NPAS2: variants seen among roughly 807,000 people sequenced by gnomAD.
NPAS2 encodes the protein neuronal PAS domain protein 2.
A neutral mutation model predicts 107.5 loss-of-function variants in NPAS2; 23 were observed. The observed-to-expected ratio is 0.21, with a 90% CI of 0.15 to 0.30. The LOEUF is 0.30. Ranked by LOEUF, NPAS2 falls within the 10% of genes least tolerant of loss-of-function variation. The pLI, the probability that NPAS2 is intolerant of heterozygous loss-of-function variation, is 1.00. For synonymous variants in NPAS2, 403 were observed against 417.5 expected, an observed-to-expected ratio of 0.97 and a Z score of 0.42; for missense variants, 756 against 1,043.3, an observed-to-expected ratio of 0.72 and a Z score of 3.79.
chr2:100,878,078 G>T, intron 1 of NPAS2: 1 of 985,372 alleles, frequency 1.0e-6, no homozygotes. Flanking sequence ...AAGTGGTGAC[G>T]AGTCAGCATT....
chr2:100,823,976 TGG>T (rs1284399155), intron 1 of NPAS2, among the ~76,000 whole-genome samples: 5 of 152,180 alleles, frequency 3.3e-5, no homozygotes, highest in Non-Finnish European at 7.3e-5. Context: ...AGCTCAGCTA[TGG>T]CAACTTTTAA....
intron 5 of NPAS2, among the ~76,000 whole-genome samples, chr2:100,945,388 C>T (rs957021669): frequency 5.3e-5 from 8 of 152,172 alleles, no homozygotes; most frequent in African/African-American, 1.9e-4. Context: ...GTTTGGACTA[C>T]GATATTGATG....
intron 1 of NPAS2, among the ~76,000 whole-genome samples, chr2:100,833,650 AAGTACCCTG>A (rs1320216016): frequency 7.9e-5 from 12 of 152,184 alleles, no homozygotes; most frequent in African/African-American, 2.9e-4. Context: ...TATAAGAGCA[AAGTACCCTG>A]ATAACCTTTT....
intron 2 of NPAS2, 57 bp downstream of exon 2, chr2:100,904,843 T>A: frequency 7.7e-7 from 1 of 1,296,362 alleles, no homozygotes; most frequent in Non-Finnish European, 1.1e-6. Flanking sequence ...GGGGTCTGCC[T>A]GGCAGAATCT....
At chr2:100,892,588 G>A (rs928366744) in intron 1 of NPAS2, among the ~76,000 whole-genome samples, 33 of 152,180 alleles carry the variant, frequency 2.2e-4, no homozygotes, top group Admixed American at 2.0e-3. Flanking sequence ...GGATCTGTCC[G>A]CCTTGCCGTT....
intron 5 of NPAS2, 83 bp downstream of exon 5, chr2:100,937,925 T>C: frequency 1.8e-6 from 2 of 1,128,028 alleles, no homozygotes; most frequent in Admixed American, 3.4e-5. Context: ...TGGAAGGTGG[T>C]GCAGGTGTCA....
At chr2:100,982,486 C>T in intron 16 of NPAS2, 109 bp downstream of exon 16, 2 of 1,278,748 alleles carry the variant, frequency 1.6e-6, no homozygotes, top group South Asian at 1.4e-5. Flanking sequence ...AACTGCCCTG[C>T]CAAGCCCCAT....
chr2:100,831,126 C>T lies in NPAS2; in HGVS notation c.-23+10712C>T, dbSNP rs561068739. On this transcript the variant is annotated intron_variant, in intron 1 of 20. Transcript: ENST00000335681. Reference sequence around the variant, plus strand: ...ACCAGCCTGGGCAACATGGTGAAACCGCTTCTGTACTAAAAATACAAAAAT... The same window carrying T: ...ACCAGCCTGGGCAACATGGTGAAACTGCTTCTGTACTAAAAATACAAAAAT... Among the ~76,000 whole-genome samples the T allele has an allele frequency of 3.3e-5, 5 of 152,034 alleles. No homozygotes were observed. The South Asian group carries it at 1.0e-3, about 32-fold the overall frequency.
Position 100,884,541 on chromosome 2 carries a change from C to T in NPAS2, c.-22-20192C>T, listed in dbSNP as rs146311549. 6.6e-4 allele frequency among the ~76,000 whole-genome samples: 101 copies of T among 152,264 alleles called. 2 individuals carry two copies. In the East Asian group the frequency reaches 0.016, roughly 24 times the overall value. On this transcript the variant is annotated intron_variant, in intron 1 of 20. Coordinates refer to ENST00000335681, the MANE Select transcript of NPAS2 (RefSeq NM_002518.4). ...TGTGATGCCATGTGACATACATGCTCTCGCACACACATTATTAAGACTTCA... is the reference window on the plus strand; with the variant it reads ...TGTGATGCCATGTGACATACATGCTTTCGCACACACATTATTAAGACTTCA...
chr2:100,972,585 G>C (rs1036224350), intron 12 of NPAS2: 1 of 152,242 alleles, frequency 6.6e-6, no homozygotes, highest in Non-Finnish European at 1.5e-5. Context: ...CCTTGGCAGA[G>C]CCTCCCCGGC....
chr2:100,897,272 C>T (rs926835344), intron 1 of NPAS2, among the ~76,000 whole-genome samples: 1 of 152,102 alleles, frequency 6.6e-6, no homozygotes, highest in Non-Finnish European at 1.5e-5. Flanking sequence ...CATATCATAG[C>T]TGGGCGAGCC....
chr2:100,873,784 C>T (rs949798862), intron 1 of NPAS2, among the ~76,000 whole-genome samples: 6 of 152,128 alleles, frequency 3.9e-5, no homozygotes, highest in Non-Finnish European at 8.8e-5. Flanking sequence ...AATGGATGCA[C>T]AAGTAAGCTC....
At chr2:100,917,781 T>G (rs1022522348) in intron 2 of NPAS2, among the ~76,000 whole-genome samples, 1 of 152,136 alleles carries the variant, frequency 6.6e-6, no homozygotes, top group Non-Finnish European at 1.5e-5. Flanking sequence ...CCTAGAGTCC[T>G]ATAACTAAGA....
At chr2:100,994,975 C>T (rs932855627) in intron 20 of NPAS2, 6 of 166,608 alleles carry the variant, frequency 3.6e-5, no homozygotes, top group Non-Finnish European at 6.4e-5. Context: ...GAGGTAGCTA[C>T]GGGATCAGGG....
chr2:100,849,343 T>G (rs1036273077), intron 1 of NPAS2, among the ~76,000 whole-genome samples: 1 of 152,100 alleles, frequency 6.6e-6, no homozygotes, highest in Non-Finnish European at 1.5e-5. Flanking sequence ...CACCAATAAA[T>G]CCAAGAAAGG....
At chr2:100,904,917 C>G in intron 2 of NPAS2, 131 bp downstream of exon 2, 1 of 691,922 alleles carries the variant, frequency 1.4e-6, no homozygotes, top group Non-Finnish European at 2.6e-6. Flanking sequence ...GACACACTCT[C>G]TGTGACATAT....
intron 2 of NPAS2, among the ~76,000 whole-genome samples, chr2:100,923,908 G>A (rs559060764): frequency 9.2e-5 from 14 of 152,176 alleles, no homozygotes; most frequent in South Asian, 6.2e-4. Context: ...TTCCTTGTTC[G>A]TTGTTAATTA....
chr2:100,900,203 A>G (rs528269918), intron 1 of NPAS2, among the ~76,000 whole-genome samples: 5 of 152,244 alleles, frequency 3.3e-5, no homozygotes, highest in African/African-American at 9.6e-5. Flanking sequence ...ATATTTTCTG[A>G]CAAAGTACTT....
At chr2:100,882,411 C>T (rs995955273) in intron 1 of NPAS2, among the ~76,000 whole-genome samples, 3 of 152,146 alleles carry the variant, frequency 2.0e-5, no homozygotes, top group Non-Finnish European at 4.4e-5. Flanking sequence ...AGTTCGAGAC[C>T]ATCCTGGCTA....
Sources: gnomAD v4.1 joint callset for allele counts (sites outside exome capture counted in the v4.1 genomes callset) on GRCh38, gnomAD v4.1.1 for gene constraint, MANE v1.5 for transcripts, NCBI Gene and HGNC (gene_info 2026-07-23, HGNC 2026-07-21) for gene names.